The following ESR1 variants were observed in gnomAD, a reference collection of about 807,000 sequenced individuals.
ESR1 encodes estrogen receptor 1.
In ESR1, 12 loss-of-function variants were observed where a neutral mutation model predicts 52.7. The ratio of observed to expected loss-of-function variants is 0.23; its 90% CI spans 0.15 to 0.37. ESR1 has a LOEUF of 0.37. Among genes scored for constraint, ESR1 ranks in the 10% least tolerant of loss-of-function variants. ESR1 has a pLI of 1.00. For synonymous variants in ESR1, 305 were observed against 316.8 expected (o/e 0.96, Z 0.39); for missense variants, 584 against 779.7 (o/e 0.75, Z 2.99).
intron 4 of ESR1, among the ~76,000 whole-genome samples, chr6:151,979,055 A>G (rs918307025): frequency 3.9e-5 from 6 of 152,184 alleles, no homozygotes; most frequent in African/African-American, 1.2e-4. Flanking sequence ...ATGAAGCTTG[A>G]AGTGCTCTAT....
chr6:151,801,000 C>A (rs999138590), upstream of ESR1, among the ~76,000 whole-genome samples: 4 of 151,252 alleles, frequency 2.6e-5, no homozygotes, highest in African/African-American at 4.9e-5. Flanking sequence ...TAAAAAAAAT[C>A]ATTTGGCTAG....
Position 151,774,039 on chromosome 6 carries a change from T to C in ESR1, c.-70-33804T>C, listed in dbSNP as rs139666296. Among the ~76,000 whole-genome samples, 113 of 152,310 alleles carry C rather than the reference T, an allele frequency of 7.4e-4. 1 individual carries two copies. The highest frequency in any genetic ancestry group is 2.6e-3 in the African/African-American group (108 of 41,564). ...GCATGAAATAGGTGTTCAGTAAGTATTTGTAGAGTTGGAAGAAGTTAGATT... is the reference window on the plus strand; with the variant it reads ...GCATGAAATAGGTGTTCAGTAAGTACTTGTAGAGTTGGAAGAAGTTAGATT... On this transcript the variant is annotated intron_variant, in intron 2 of 2. Transcript: ENST00000404742.
intron 1 of ESR1, among the ~76,000 whole-genome samples, chr6:151,666,665 TACTC>T (rs1396779210): frequency 6.6e-6 from 1 of 151,660 alleles, no homozygotes; most frequent in Non-Finnish European, 1.5e-5. Flanking sequence ...GCTGGGTTCT[TACTC>T]ACCCTATTGG....
chr6:151,932,772 G>A lies in ESR1; in HGVS notation c.761-11401G>A, dbSNP rs1275094916. On this transcript the variant is annotated intron_variant, in intron 3 of 7. Transcript: ENST00000206249. Reference sequence around the variant, plus strand: ...AAAGATCAGATAGTTGTAGGTATGCGGCGTTATTTCTGAGGGCTCTGTTCT... The same window carrying A: ...AAAGATCAGATAGTTGTAGGTATGCAGCGTTATTTCTGAGGGCTCTGTTCT... Among the ~76,000 whole-genome samples, 39 of 151,266 alleles carry A rather than the reference G, an allele frequency of 2.6e-4. No homozygotes were observed. The East Asian group carries it at 5.1e-3, about 20-fold the overall frequency.
chr6:151,714,910 T>C (rs1780909088), intron 2 of ESR1, among the ~76,000 whole-genome samples: 1 of 152,220 alleles, frequency 6.6e-6, no homozygotes, highest in African/African-American at 2.4e-5. Context: ...TGCCCATTAG[T>C]TGATGCAGTT....
At chr6:152,058,980 G>A (rs2047327426) in intron 5 of ESR1, among the ~76,000 whole-genome samples, 1 of 152,158 alleles carries the variant, frequency 6.6e-6, no homozygotes, top group East Asian at 1.9e-4. Flanking sequence ...GAATATATCA[G>A]AAGTAATCAA....
intron 4 of ESR1, among the ~76,000 whole-genome samples, chr6:151,972,736 A>T (rs2039036126): frequency 1.3e-5 from 2 of 152,178 alleles, no homozygotes; most frequent in Admixed American, 6.6e-5. Context: ...TTTATTAAGA[A>T]GTATTGACTC....
chr6:151,993,584 C>G (rs906333137), intron 4 of ESR1, among the ~76,000 whole-genome samples: 10 of 152,204 alleles, frequency 6.6e-5, no homozygotes, highest in African/African-American at 2.4e-4. Flanking sequence ...CCTTGCAGAT[C>G]CCGCTCTTCT....
intron 2 of ESR1, among the ~76,000 whole-genome samples, chr6:151,848,406 C>T (rs1388914833): frequency 7.6e-6 from 1 of 132,090 alleles, no homozygotes; most frequent in Non-Finnish European, 1.6e-5. Context: ...TGCAGCGCAC[C>T]AGCATGGCAC....
intron 1 of ESR1, among the ~76,000 whole-genome samples, chr6:151,669,187 AGATGGGAATCCAG>A (rs1777953563): frequency 5.6e-5 from 6 of 107,262 alleles, no homozygotes; most frequent in Non-Finnish European, 9.9e-5. Flanking sequence ...AGAGAGAGAG[AGATGGGAATCCAG>A]GGGAGAACAG....
intron 2 of ESR1, among the ~76,000 whole-genome samples, chr6:151,777,650 G>T (rs979741343): frequency 6.6e-6 from 1 of 152,126 alleles, no homozygotes; most frequent in African/African-American, 2.4e-5. Context: ...GGAAGTGGGT[G>T]ACCATGGGTG....
At chr6:151,753,481 C>G (rs1231655722) in intron 2 of ESR1, among the ~76,000 whole-genome samples, 1 of 152,104 alleles carries the variant, frequency 6.6e-6, no homozygotes, top group African/African-American at 2.4e-5. Flanking sequence ...CCACTCCTGG[C>G]TAATTTTTGT....
rs185899425 is a variant in ESR1 at position 152,020,445 on chromosome 6, C to A, written c.1235+8651C>A. ...CTATGACAACAGTTCTTATTTTTTC[C>A]TTTTTTTTGTTTGTTTGTTTTTTGA... is the stretch of plus-strand genomic sequence containing the variant. On this transcript the variant is annotated intron_variant, in intron 5 of 7. Transcript: ENST00000206249. Among the ~76,000 whole-genome samples, 58 of 151,740 alleles carry A rather than the reference C, an allele frequency of 3.8e-4. No individual in the cohort carries two copies. In the South Asian group the frequency reaches 0.011, roughly 28 times the overall value.
intron 2 of ESR1, among the ~76,000 whole-genome samples, chr6:151,766,186 A>G (rs1216850580): frequency 6.6e-6 from 1 of 152,172 alleles, no homozygotes; most frequent in African/African-American, 2.4e-5. Context: ...TCCTCTTCGC[A>G]TTGCATTTGT....
At chr6:152,014,585 T>G (rs1169827766) in intron 5 of ESR1, among the ~76,000 whole-genome samples, 1 of 152,158 alleles carries the variant, frequency 6.6e-6, no homozygotes, top group African/African-American at 2.4e-5. Flanking sequence ...AGCTAGAAGC[T>G]TTAAGTTACC....
intron 6 of ESR1, among the ~76,000 whole-genome samples, chr6:152,083,590 C>G (rs536551430): frequency 3.9e-5 from 6 of 152,224 alleles, no homozygotes; most frequent in Non-Finnish European, 7.4e-5. Context: ...GCATCAAAAG[C>G]CAAAATAGAC....
chr6:152,125,139 A>G (rs1259967392), intron 6 of ESR1: 6 of 1,060,332 alleles, frequency 5.7e-6, no homozygotes, highest in South Asian at 2.1e-5. Context: ...CTACAGTTAA[A>G]GGAAGAGGCC....
intron 1 of ESR1, among the ~76,000 whole-genome samples, chr6:151,698,330 C>T (rs1779520440): frequency 6.6e-6 from 1 of 150,438 alleles, no homozygotes; most frequent in Non-Finnish European, 1.5e-5. Flanking sequence ...AGCGCCACTG[C>T]ACACTGCATT....
chr6:151,844,973 T>A (rs1784882192), intron 2 of ESR1, among the ~76,000 whole-genome samples: 2 of 151,970 alleles, frequency 1.3e-5, no homozygotes, highest in Admixed American at 1.3e-4. Flanking sequence ...AATAGAGAGA[T>A]GTAAGAAATG....
Sources: allele counts gnomAD v4.1 joint callset (sites outside exome capture counted in the v4.1 genomes callset), GRCh38; gene constraint gnomAD v4.1.1; transcripts MANE v1.5; gene names NCBI Gene and HGNC (gene_info 2026-07-23, HGNC 2026-07-21).